The following PDE4D variants were observed in gnomAD, a reference collection of about 807,000 sequenced individuals.
PDE4D encodes phosphodiesterase 4D.
PDE4D carries 24 observed loss-of-function variants against 87.4 expected under a neutral mutation model. The ratio of observed to expected loss-of-function variants is 0.27; its 90% CI spans 0.20 to 0.39. PDE4D has a LOEUF of 0.39. Among genes scored for constraint, PDE4D ranks in the 10% least tolerant of loss-of-function variants. PDE4D has a pLI of 1.00. For synonymous variants in PDE4D, 384 were observed against 383.2 expected, an observed-to-expected ratio of 1.00 and a Z score of -0.02; for missense variants, 714 against 1,041.0, an observed-to-expected ratio of 0.69 and a Z score of 4.32.
chr5:60,256,657 T>C (rs776162282), intron 1 of PDE4D, among the ~76,000 whole-genome samples: 13 of 151,832 alleles, frequency 8.6e-5, no homozygotes, highest in Non-Finnish European at 1.9e-4. Context: ...AAATAATACA[T>C]AGACATACCC....
At chr5:59,250,493 GAA>G (rs560305696) in intron 1 of PDE4D, among the ~76,000 whole-genome samples, 5 of 119,642 alleles carry the variant, frequency 4.2e-5, no homozygotes, top group Non-Finnish European at 8.7e-5. Context: ...ATCCTGCCTC[GAA>G]AAAAAAAAAA....
intron 1 of PDE4D, among the ~76,000 whole-genome samples, chr5:59,762,893 A>ATATATATATATATATATATC (rs70975330): frequency 9.4e-6 from 1 of 105,906 alleles, no homozygotes. Flanking sequence ...ATATATATAT[A>ATATATATATATATATATATC]GCTTGCTCTT....
chr5:59,912,051 A>G (rs2152770862), intron 3 of PDE4D, among the ~76,000 whole-genome samples: 1 of 152,330 alleles, frequency 6.6e-6, no homozygotes, highest in East Asian at 1.9e-4. Flanking sequence ...GCTTTAAACT[A>G]ATAGAAATTT....
chr5:60,493,072 A>G (rs1749617216), upstream of PDE4D, among the ~76,000 whole-genome samples: 1 of 152,140 alleles, frequency 6.6e-6, no homozygotes, highest in South Asian at 2.1e-4. Context: ...GTCACTATTA[A>G]TCATCAGTTT....
chr5:59,893,436 G>A lies in PDE4D; in HGVS notation c.187C>T (p.Pro63Ser), dbSNP rs1411722004. The stretch of plus-strand genomic sequence containing the variant: ...CACTGGGGCTGGGGCTGGGGCGAGG[G>A]TGGCGGCGGCGGGGGCAGGTGGTGA... ...PHHHLPPPPP[P>S]SPQPQPQCPL... The change falls in exon 1 of 15, where the codon CCC (proline) becomes TCC (serine). Residue 63 changes from proline (P) to serine (S), a missense_variant. Transcript: ENST00000340635. 2.0e-6 allele frequency: 3 copies of A among 1,510,172 alleles called. No individual in the cohort carries two copies. The highest frequency in any genetic ancestry group is 2.6e-5 in the East Asian group (1 of 37,762). The allele number at this position is 1,510,172 out of a possible 1,614,324, so 93.5% of individuals were successfully genotyped here. A position where few individuals can be genotyped will look rare whatever the true frequency, so the allele number is the denominator to read the frequency against.
chr5:59,517,032 G>A (rs1364602169), intron 1 of PDE4D, among the ~76,000 whole-genome samples: 3 of 152,110 alleles, frequency 2.0e-5, no homozygotes, highest in African/African-American at 4.8e-5. Flanking sequence ...ATTATTGCCT[G>A]TGGATTTTTC....
chr5:59,987,361 A>C (rs1378577263), intron 3 of PDE4D: 1 of 152,166 alleles, frequency 6.6e-6, no homozygotes, highest in Non-Finnish European at 1.5e-5. Flanking sequence ...ACAACAACAG[A>C]AACAAAATAT....
At chr5:59,221,491 G>A (rs949978042) in intron 1 of PDE4D, among the ~76,000 whole-genome samples, 1 of 152,088 alleles carries the variant, frequency 6.6e-6, no homozygotes, top group East Asian at 1.9e-4. Context: ...AATTACCTGG[G>A]TGTGGTGGTG....
intron 1 of PDE4D, among the ~76,000 whole-genome samples, chr5:59,367,094 C>T (rs17725949): frequency 0.083 from 12,710 of 152,252 alleles, 634 homozygotes; most frequent in Middle Eastern, 0.14. Context: ...CAGATTCAGA[C>T]TATCGACTCC....
chr5:59,122,698 T>C (rs1190788936), intron 5 of PDE4D, among the ~76,000 whole-genome samples: 4 of 152,250 alleles, frequency 2.6e-5, no homozygotes, highest in Non-Finnish European at 5.9e-5. Context: ...GTGAAATTCA[T>C]ATCACATAAA....
At chr5:59,934,593 T>G (rs942219981) in intron 3 of PDE4D, among the ~76,000 whole-genome samples, 15 of 152,224 alleles carry the variant, frequency 9.9e-5, no homozygotes, top group African/African-American at 3.6e-4. Flanking sequence ...TGGCAGATAT[T>G]TGCATAGATC....
chr5:59,156,094 C>A (rs139939442), intron 5 of PDE4D, among the ~76,000 whole-genome samples: 65 of 151,876 alleles, frequency 4.3e-4, no homozygotes, highest in Admixed American at 1.5e-3. Flanking sequence ...GTTGGAATTC[C>A]AGCTTGAAGT....
chr5:59,590,906 C>T lies in PDE4D; in HGVS notation c.455+302262G>A, dbSNP rs550579545. ...ATCAGAGCCAGAAGTATTAACTAGC[C>T]GGTGTCCCACGTCCTTTTCCAATAA... On this transcript the variant is annotated intron_variant, in intron 1 of 14. Transcript: ENST00000340635. Among the ~76,000 whole-genome samples, 15 of 152,226 alleles carry T rather than the reference C, an allele frequency of 9.9e-5. No individual in the cohort carries two copies. In the South Asian group the frequency reaches 2.3e-3, roughly 23 times the overall value.
At chr5:60,219,216 A>T (rs953400584) in intron 1 of PDE4D, among the ~76,000 whole-genome samples, 1 of 152,180 alleles carries the variant, frequency 6.6e-6, no homozygotes, top group African/African-American at 2.4e-5. Flanking sequence ...TTTCCAAAGC[A>T]AAGTTAAAAG....
chr5:60,295,785 C>A (rs1450453769), intron 1 of PDE4D, among the ~76,000 whole-genome samples: 2 of 152,196 alleles, frequency 1.3e-5, no homozygotes, highest in African/African-American at 4.8e-5. Flanking sequence ...TTCTGAGCTG[C>A]AGACTGACTT....
At chr5:60,013,717 AG>A (rs1765240285) in intron 2 of PDE4D, among the ~76,000 whole-genome samples, 1 of 152,198 alleles carries the variant, frequency 6.6e-6, no homozygotes, top group Non-Finnish European at 1.5e-5. Flanking sequence ...CACTTCATGT[AG>A]TTTCTCCCAT....
chr5:59,030,422 CAAAAAAAAAAA>C (rs373275661), intron 6 of PDE4D, among the ~76,000 whole-genome samples: 1 of 58,300 alleles, frequency 1.7e-5, no homozygotes, highest in African/African-American at 7.1e-5. Flanking sequence ...AACAGAGATA[CAAAAAAAAAAA>C]AAAAAAAAAA....
intron 1 of PDE4D, among the ~76,000 whole-genome samples, chr5:60,365,872 C>T (rs1016469049): frequency 1.3e-5 from 2 of 151,906 alleles, no homozygotes; most frequent in Non-Finnish European, 2.9e-5. Context: ...GGTGAAACCC[C>T]ATCTCTACTA....
At chr5:59,978,123 T>C (rs1761527265) in intron 3 of PDE4D, among the ~76,000 whole-genome samples, 1 of 152,186 alleles carries the variant, frequency 6.6e-6, no homozygotes, top group Non-Finnish European at 1.5e-5. Flanking sequence ...TACCACAACA[T>C]TCATTCTGAA....
Sources: allele counts gnomAD v4.1 joint callset (sites outside exome capture counted in the v4.1 genomes callset), GRCh38; gene constraint gnomAD v4.1.1; transcripts MANE v1.5; gene names NCBI Gene and HGNC (gene_info 2026-07-23, HGNC 2026-07-21).